Variants in GRID2 observed in about 807,000 individuals in gnomAD.
GRID2 encodes the protein glutamate ionotropic receptor delta type subunit 2, also known as glutamate receptor ionotropic, delta-2.
A neutral mutation model predicts 114.8 loss-of-function variants in GRID2; 33 were observed. The ratio of observed to expected loss-of-function variants is 0.29; its 90% CI spans 0.22 to 0.38. The LOEUF is 0.38. GRID2 is among the 10% of genes least tolerant of loss of function. The probability of loss-of-function intolerance (pLI) is 1.00; values close to 1 mark genes in which losing one functional copy is unlikely to be tolerated. For synonymous variants in GRID2, 505 were observed against 449.9 expected (o/e 1.12, Z -1.55); for missense variants, 1,184 against 1,257.7 (o/e 0.94, Z 0.89).
chr4:92,652,321 C>T (rs1302076765), intron 2 of GRID2, among the ~76,000 whole-genome samples: 1 of 151,982 alleles, frequency 6.6e-6, no homozygotes, highest in Non-Finnish European at 1.5e-5. Flanking sequence ...TACCAGCCAC[C>T]TGGGCATCCT....
At chr4:93,143,277 T>A (rs1022350780) in intron 4 of GRID2, among the ~76,000 whole-genome samples, 2 of 152,234 alleles carry the variant, frequency 1.3e-5, no homozygotes, top group Non-Finnish European at 2.9e-5. Context: ...TATTTTGCAT[T>A]ACAACCAAAT....
intron 2 of GRID2, among the ~76,000 whole-genome samples, chr4:92,848,687 C>G (rs985870628): frequency 1.3e-5 from 2 of 151,820 alleles, no homozygotes; most frequent in African/African-American, 4.8e-5. Context: ...TTTAATGAAG[C>G]GGGCTACGGG....
rs565264721 is a variant in GRID2, at chr4:92,474,560, T to C, written c.89-115571T>C. Among the ~76,000 whole-genome samples, 13 of 152,128 alleles carry C rather than the reference T, an allele frequency of 8.5e-5. 2 individuals are homozygous for C. Among genetic ancestry groups the C allele is most frequent in the Non-Finnish European group, 1.6e-4 (11 of 68,000 alleles). On this transcript the variant is annotated intron_variant, in intron 1 of 15. Coordinates refer to ENST00000282020, the MANE Select transcript of GRID2 (RefSeq NM_001510.4). ...GAAGTGAGAATGCTGGATCATAAGG[T>C]ACTTCTATTTTTAACTTTTGGAGGA...
At chr4:93,771,477 T>C (rs1277039634) in intron 15 of GRID2, among the ~76,000 whole-genome samples, 1 of 152,180 alleles carries the variant, frequency 6.6e-6, no homozygotes, top group East Asian at 1.9e-4. Flanking sequence ...CTTGAGTGCA[T>C]AAATCCCTCA....
intron 11 of GRID2, among the ~76,000 whole-genome samples, chr4:93,466,642 TG>T (rs1724300879): frequency 6.6e-6 from 1 of 152,162 alleles, no homozygotes; most frequent in African/African-American, 2.4e-5. Context: ...TAAATTGACT[TG>T]ACAGGCTGGT....
At chr4:92,597,981 AT>A (rs1157776901) in intron 2 of GRID2, among the ~76,000 whole-genome samples, 1 of 152,166 alleles carries the variant, frequency 6.6e-6, no homozygotes, top group Non-Finnish European at 1.5e-5. Context: ...TACCTGGTTA[AT>A]TTTAGAAGAA....
At chr4:92,980,734 G>T (rs1754140273) in intron 2 of GRID2, among the ~76,000 whole-genome samples, 1 of 151,888 alleles carries the variant, frequency 6.6e-6, no homozygotes, top group Non-Finnish European at 1.5e-5. Context: ...TAAAAACTGA[G>T]AATTATTAGA....
At chr4:93,418,381 A>G (rs144296301) in intron 9 of GRID2, among the ~76,000 whole-genome samples, 26 of 152,108 alleles carry the variant, frequency 1.7e-4, no homozygotes, top group Admixed American at 1.3e-3. Flanking sequence ...ACTCAGTCAT[A>G]TGTTAACTTT....
intron 2 of GRID2, among the ~76,000 whole-genome samples, chr4:92,977,826 A>C (rs768140837): frequency 3.9e-5 from 6 of 152,192 alleles, no homozygotes; most frequent in Non-Finnish European, 7.3e-5. Flanking sequence ...TAGTCTGAGC[A>C]ATTAGATAGC....
chr4:92,482,821 A>G (rs62310667), intron 1 of GRID2, among the ~76,000 whole-genome samples: 1,897 of 152,328 alleles, frequency 0.012, 21 homozygotes, highest in Non-Finnish European at 0.021. Context: ...CACTTAAACA[A>G]TGTATTATTT....
At chr4:93,610,935 A>G (rs1222662804) in intron 13 of GRID2, among the ~76,000 whole-genome samples, 1 of 139,344 alleles carries the variant, frequency 7.2e-6, no homozygotes, top group Non-Finnish European at 1.5e-5. Flanking sequence ...CTGTGAATCC[A>G]TCTGGTCCTG....
intron 2 of GRID2, among the ~76,000 whole-genome samples, chr4:92,687,312 AATAT>A (rs1733955476): frequency 6.6e-6 from 1 of 152,098 alleles, no homozygotes; most frequent in Non-Finnish European, 1.5e-5. Context: ...TCTTACCAGA[AATAT>A]ATATACACAG....
At chr4:92,956,043 CTTTA>C (rs1752385199) in intron 2 of GRID2, among the ~76,000 whole-genome samples, 1 of 152,080 alleles carries the variant, frequency 6.6e-6, no homozygotes. Flanking sequence ...AAAAAATAAA[CTTTA>C]TTTAGAAAGA....
At chr4:93,425,286 C>T (rs751977241) in intron 10 of GRID2, among the ~76,000 whole-genome samples, 8 of 152,100 alleles carry the variant, frequency 5.3e-5, no homozygotes, top group Non-Finnish European at 1.2e-4. Context: ...TTGATTTTTG[C>T]TTCAGTGGAT....
intron 14 of GRID2, among the ~76,000 whole-genome samples, chr4:93,678,446 G>A (rs558883000): frequency 1.3e-5 from 2 of 151,282 alleles, no homozygotes; most frequent in South Asian, 4.2e-4. Flanking sequence ...GCTACTCCTC[G>A]AGAAGAGCAA....
rs141465194 is a variant in GRID2, at chr4:92,963,713, A to G, written c.245-121282A>G. ...ATGTTGATCACCTCCCATGAATCACAAATGTTCTAAATTTCATCTAGATTG... is the reference window on the plus strand; with the variant it reads ...ATGTTGATCACCTCCCATGAATCACGAATGTTCTAAATTTCATCTAGATTG... On this transcript the variant is annotated intron_variant, in intron 2 of 15. Coordinates refer to ENST00000282020, the MANE Select transcript of GRID2 (RefSeq NM_001510.4). 7.7e-3 allele frequency among the ~76,000 whole-genome samples: 1,179 copies of G among 152,148 alleles called. 7 individuals are homozygous for G. The highest frequency in any genetic ancestry group is 0.012 in the Non-Finnish European group (829 of 67,966).
chr4:92,510,900 G>A (rs1391340525), intron 1 of GRID2, among the ~76,000 whole-genome samples: 7 of 147,772 alleles, frequency 4.7e-5, no homozygotes, highest in Non-Finnish European at 7.5e-5. Context: ...ATCCAGTAAA[G>A]AGTGTGCTTT....
At chr4:92,749,469 C>A (rs1329039352) in intron 2 of GRID2, among the ~76,000 whole-genome samples, 1 of 151,714 alleles carries the variant, frequency 6.6e-6, no homozygotes, top group Non-Finnish European at 1.5e-5. Flanking sequence ...CGCCAGCCAC[C>A]ACACCTGGCT....
At chr4:93,137,966 G>GTTTTTTTTTTTTTTTTT (rs753814961) in intron 4 of GRID2, among the ~76,000 whole-genome samples, 5 of 78,380 alleles carry the variant, frequency 6.4e-5, no homozygotes, top group African/African-American at 9.1e-5. Context: ...TTTTTTCTTC[G>GTTTTTTTTTTTTTTTTT]TTTTTTTTTT....
Sources: allele counts gnomAD v4.1 joint callset (sites outside exome capture counted in the v4.1 genomes callset), GRCh38; gene constraint gnomAD v4.1.1; transcripts MANE v1.5; gene names NCBI Gene and HGNC (gene_info 2026-07-23, HGNC 2026-07-21).